The following PDGFC variants were observed in gnomAD, a reference collection of about 807,000 sequenced individuals.
PDGFC encodes the protein platelet derived growth factor C.
Under a neutral mutation model 35.5 loss-of-function variants are expected in PDGFC, and 12 were observed. The observed-to-expected ratio is 0.34, with a 90% CI of 0.22 to 0.55. The LOEUF is 0.55. Ranked by LOEUF, PDGFC falls within the 20% of genes least tolerant of loss-of-function variation. The pLI is 0.91. For missense variants in PDGFC, 322 were observed against 412.4 expected (o/e 0.78, Z 1.90); for synonymous variants, 159 against 148.8 (o/e 1.07, Z -0.50).
chr4:156,798,269 T>A (rs1221507055), intron 3 of PDGFC, among the ~76,000 whole-genome samples: 1 of 152,152 alleles, frequency 6.6e-6, no homozygotes, highest in Non-Finnish European at 1.5e-5. Context: ...CTAAACCTCA[T>A]TTAAGAGAAG....
At chr4:156,837,293 C>T (rs192265577) in intron 2 of PDGFC, among the ~76,000 whole-genome samples, 25 of 152,236 alleles carry the variant, frequency 1.6e-4, no homozygotes, top group African/African-American at 4.8e-4. Flanking sequence ...GCAGGAGAAT[C>T]CCTTGAACCA....
At chr4:156,786,375 C>T (rs1579007587) in intron 3 of PDGFC, among the ~76,000 whole-genome samples, 1 of 152,256 alleles carries the variant, frequency 6.6e-6, no homozygotes, top group Admixed American at 6.5e-5. Flanking sequence ...AGGAAGAAGA[C>T]AAGAATGACA....
chr4:156,785,592 T>A (rs1261897708), intron 3 of PDGFC, among the ~76,000 whole-genome samples: 1 of 152,000 alleles, frequency 6.6e-6, no homozygotes, highest in Non-Finnish European at 1.5e-5. Flanking sequence ...TGCACAACAG[T>A]CTGGAAAGGG....
chr4:156,855,540 T>A (rs544786019), intron 1 of PDGFC, among the ~76,000 whole-genome samples: 93 of 152,328 alleles, frequency 6.1e-4, no homozygotes, highest in African/African-American at 2.1e-3. Context: ...GCCTCACGGA[T>A]GTCCTGTGAC....
chr4:156,840,677 A>T (rs1298525724), intron 2 of PDGFC, among the ~76,000 whole-genome samples: 2 of 152,176 alleles, frequency 1.3e-5, no homozygotes, highest in African/African-American at 4.8e-5. Context: ...TGGAAAAGCC[A>T]CAGAAACTCA....
chr4:156,926,976 G>A (rs1248340575), intron 1 of PDGFC, among the ~76,000 whole-genome samples: 1 of 152,180 alleles, frequency 6.6e-6, no homozygotes. Context: ...TGGATATCCA[G>A]GTGTTTCCAT....
intron 1 of PDGFC, among the ~76,000 whole-genome samples, chr4:156,909,017 G>A (rs563516187): frequency 2.6e-5 from 4 of 152,246 alleles, no homozygotes; most frequent in East Asian, 1.9e-4. Context: ...TTTGTAAAAC[G>A]TACAGAATAG....
chr4:156,848,514 ATAT>A (rs1207927145), intron 2 of PDGFC, among the ~76,000 whole-genome samples: 1 of 151,992 alleles, frequency 6.6e-6, no homozygotes, highest in Non-Finnish European at 1.5e-5. Context: ...CTATGATGAA[ATAT>A]TATACGTCAA....
chr4:156,877,978 T>G (rs1476415111), intron 1 of PDGFC, among the ~76,000 whole-genome samples: 1 of 152,158 alleles, frequency 6.6e-6, no homozygotes, highest in African/African-American at 2.4e-5. Flanking sequence ...GCACATATAA[T>G]AAAGCAATTA....
At chr4:156,818,527 T>TG (rs1442949895) in intron 2 of PDGFC, among the ~76,000 whole-genome samples, 7 of 146,378 alleles carry the variant, frequency 4.8e-5, no homozygotes, top group African/African-American at 1.8e-4. Flanking sequence ...TTTTTTTTTT[T>TG]TTTTTTTTTT....
chr4:156,845,256 AATT>A (rs1454740728), intron 2 of PDGFC, among the ~76,000 whole-genome samples: 1 of 151,870 alleles, frequency 6.6e-6, no homozygotes, highest in African/African-American at 2.4e-5. Flanking sequence ...TCTATAAAGA[AATT>A]ATTAAGTTTA....
intron 2 of PDGFC, among the ~76,000 whole-genome samples, chr4:156,832,672 T>C (rs774981053): frequency 3.6e-4 from 55 of 152,234 alleles, no homozygotes; most frequent in Non-Finnish European, 7.5e-4. Flanking sequence ...GGTTGACCCC[T>C]GAACAACGGG....
At chr4:156,946,351 G>A (rs1186120316) in intron 1 of PDGFC, among the ~76,000 whole-genome samples, 2 of 151,834 alleles carry the variant, frequency 1.3e-5, no homozygotes, top group African/African-American at 4.8e-5. Context: ...GTATAACTTA[G>A]GAAAAGCAAC....
At chr4:156,916,712 C>T (rs1328224166) in intron 1 of PDGFC, among the ~76,000 whole-genome samples, 2 of 152,220 alleles carry the variant, frequency 1.3e-5, no homozygotes, top group East Asian at 3.9e-4. Flanking sequence ...AACACCTATA[C>T]TGTCAATTAA....
intron 2 of PDGFC, among the ~76,000 whole-genome samples, chr4:156,848,420 GT>G (rs1217105796): frequency 6.6e-6 from 1 of 151,826 alleles, no homozygotes; most frequent in East Asian, 1.9e-4. Flanking sequence ...AAGTCTCAAA[GT>G]TTTATTGCTC....
chr4:156,842,008 A>G (rs989788169), intron 2 of PDGFC: 1 of 152,132 alleles, frequency 6.6e-6, no homozygotes. Flanking sequence ...ATCTGATGCA[A>G]TATTGGTGTC....
chr4:156,822,300 A>G (rs1390340999), intron 2 of PDGFC, among the ~76,000 whole-genome samples: 5 of 145,884 alleles, frequency 3.4e-5, no homozygotes, highest in African/African-American at 1.3e-4. Context: ...CGGAGCTTGC[A>G]GTGAGCCGAG....
intron 1 of PDGFC, among the ~76,000 whole-genome samples, chr4:156,960,480 T>C (rs1732317484): frequency 6.6e-6 from 1 of 151,234 alleles, no homozygotes; most frequent in Non-Finnish European, 1.5e-5. Flanking sequence ...TGTGTATATC[T>C]ATATATGTGT....
chr4:156,846,976 TTAA>T (rs1291035962), intron 2 of PDGFC, among the ~76,000 whole-genome samples: 2 of 151,702 alleles, frequency 1.3e-5, no homozygotes, highest in Non-Finnish European at 3.0e-5. Context: ...AGCAAGAAAG[TTAA>T]TAATGATAGA....
Sources: allele counts gnomAD v4.1 joint callset (sites outside exome capture counted in the v4.1 genomes callset), GRCh38; gene constraint gnomAD v4.1.1; transcripts MANE v1.5; gene names NCBI Gene and HGNC (gene_info 2026-07-23, HGNC 2026-07-21).